The following PLCG2 variants were observed in gnomAD, a reference collection of about 807,000 sequenced individuals.
PLCG2 encodes the protein phospholipase C gamma 2.
PLCG2 carries 69 observed loss-of-function variants against 175.6 expected under a neutral mutation model. The observed-to-expected ratio is 0.39, with a 90% CI of 0.32 to 0.48. The LOEUF (loss-of-function observed/expected upper bound fraction) is 0.48. PLCG2 is among the 20% of genes least tolerant of loss of function. The probability of loss-of-function intolerance (pLI) is 0.91; values close to 1 mark genes in which losing one functional copy is unlikely to be tolerated. For missense variants in PLCG2, 1,798 were observed against 1,650.9 expected (o/e 1.09, Z -1.54); for synonymous variants, 827 against 624.0 (o/e 1.33, Z -4.85).
chr16:81,853,974 A>T (rs1906553372), intron 2 of PLCG2, among the ~76,000 whole-genome samples: 1 of 152,022 alleles, frequency 6.6e-6, no homozygotes, highest in Non-Finnish European at 1.5e-5. Context: ...CCTTTAATTG[A>T]GCCACAGAGC....
In PLCG2 at chr16:81,846,194, G is replaced by A. The variant is rs111362391; in HGVS notation, c.194-8250G>A. ...TCTGCATCACCTAGGAGGTTGTAGT[G>A]GCTGTAAGCCAAGCCAATGACTGAC... On this transcript the variant is annotated intron_variant, in intron 2 of 32. Transcript: ENST00000564138. 4.3e-4 allele frequency among the ~76,000 whole-genome samples: 65 copies of A among 151,858 alleles called. 2 individuals carry two copies. Among genetic ancestry groups the A allele is most frequent in the African/African-American group, 1.5e-3 (63 of 41,440 alleles).
chr16:81,775,921 A>C (rs904521104), upstream of PLCG2, among the ~76,000 whole-genome samples: 1 of 151,678 alleles, frequency 6.6e-6, no homozygotes, highest in African/African-American at 2.4e-5. Flanking sequence ...GATGGGTGGC[A>C]GGTCAGCATG....
Position 81,750,663 on chromosome 16 carries a change from A to ATTTTCTTTTTTT in PLCG2, c.-144-5203_-144-5202insCTTTTTTTTTTT, listed in dbSNP as rs1909791085. On this transcript the variant is annotated intron_variant, in intron 1 of 5. Coordinates refer to the PLCG2 transcript ENST00000565054. ...TTAAAAAGCAGAATGGGGACTGGAG[A>ATTTTCTTTTTTT]TTTTTTTTTTTTTTTTTTTTTTGAG... Among the ~76,000 whole-genome samples the ATTTTCTTTTTTT allele has an allele frequency of 2.9e-5, 2 of 68,446 alleles. 1 individual carries two copies. Among genetic ancestry groups the ATTTTCTTTTTTT allele is most frequent in the Non-Finnish European group, 5.3e-5 (2 of 37,820 alleles). The allele number at this position is 68,446 out of a possible 152,430, so 44.9% of individuals were successfully genotyped here.
chr16:81,911,477 G>T (rs569838885), intron 18 of PLCG2, among the ~76,000 whole-genome samples: 13 of 152,044 alleles, frequency 8.6e-5, no homozygotes, highest in Non-Finnish European at 1.6e-4. Context: ...TTGCTCTGTT[G>T]CCCAGGCTGG....
chr16:81,839,693 G>C (rs1905718659), intron 2 of PLCG2, among the ~76,000 whole-genome samples: 1 of 152,094 alleles, frequency 6.6e-6, no homozygotes, highest in South Asian at 2.1e-4. Context: ...CAAAGGGTGG[G>C]CACCATTTAA....
chr16:81,760,097 A>G (rs1019671167), intron 2 of PLCG2, among the ~76,000 whole-genome samples: 2 of 152,172 alleles, frequency 1.3e-5, no homozygotes, highest in African/African-American at 4.8e-5. Context: ...CTGCTCATCT[A>G]TCAGTTGTAG....
rs1224360399 is a variant in PLCG2 at position 81,946,271 on chromosome 16, G to A, written c.3570+8G>A. 3 of 1,603,018 alleles carry A rather than the reference G, an allele frequency of 1.9e-6. No individual in the cohort carries two copies. The highest frequency in any genetic ancestry group is 2.6e-6 in the Non-Finnish European group (3 of 1,169,982). On this transcript the variant is annotated splice_region_variant and intron_variant, in intron 31 of 32. Transcript: ENST00000564138. ...GAGATGCGGCCAGTCCTGGTGAGTG[G>A]AGAAACACCAGTTAAGGGTTCCCTG... is the stretch of plus-strand genomic sequence containing the variant.
At chr16:81,883,595 A>T (rs1410623649) in intron 9 of PLCG2, 1 of 535,054 alleles carries the variant, frequency 1.9e-6, no homozygotes, top group East Asian at 3.3e-5. Context: ...CACATTGAGG[A>T]TGAGAAGACT....
intron 2 of PLCG2, among the ~76,000 whole-genome samples, chr16:81,794,442 A>G (rs1597322458): frequency 6.6e-6 from 1 of 152,198 alleles, no homozygotes. Flanking sequence ...GAAGCGTCTC[A>G]TCAGAAATAA....
At chr16:81,769,611 G>A (rs992632561) in intron 2 of PLCG2, among the ~76,000 whole-genome samples, 1 of 151,800 alleles carries the variant, frequency 6.6e-6, no homozygotes, top group Non-Finnish European at 1.5e-5. Flanking sequence ...TCAGGAGATC[G>A]AGACCATCCC....
At chr16:81,836,305 C>T (rs1273467568) in intron 2 of PLCG2, among the ~76,000 whole-genome samples, 1 of 152,202 alleles carries the variant, frequency 6.6e-6, no homozygotes, top group Non-Finnish European at 1.5e-5. Context: ...GATCGTGGAT[C>T]TCCTGGTGCC....
intron 31 of PLCG2, among the ~76,000 whole-genome samples, chr16:81,952,156 A>T (rs537793524): frequency 6.6e-6 from 1 of 152,288 alleles, no homozygotes; most frequent in South Asian, 2.1e-4. Flanking sequence ...AAATCTTATT[A>T]AAAAACAAAA....
At chr16:81,790,752 C>G (rs1375147696) in intron 2 of PLCG2, among the ~76,000 whole-genome samples, 2 of 152,086 alleles carry the variant, frequency 1.3e-5, no homozygotes, top group African/African-American at 4.8e-5. Flanking sequence ...TGGTTCTCAA[C>G]CAGGGTGATT....
At chr16:81,788,993 A>G (rs1036813045) in intron 2 of PLCG2, among the ~76,000 whole-genome samples, 1 of 152,210 alleles carries the variant, frequency 6.6e-6, no homozygotes. Flanking sequence ...CAACCTGCCC[A>G]TCCCAAACCT....
At chr16:81,945,968 T>G in intron 30 of PLCG2, among the ~76,000 whole-genome samples, 2 of 152,306 alleles carry the variant, frequency 1.3e-5, no homozygotes, top group East Asian at 3.9e-4. Flanking sequence ...CTTGCTTCCC[T>G]GTATGGACCA....
intron 5 of PLCG2, among the ~76,000 whole-genome samples, chr16:81,859,827 C>T (rs1413656418): frequency 3.3e-5 from 5 of 152,050 alleles, no homozygotes; most frequent in South Asian, 2.1e-4. Context: ...TGAGCCACCG[C>T]GCCCGGCCAC....
chr16:81,951,132 G>A (rs1911349307), intron 31 of PLCG2, among the ~76,000 whole-genome samples: 1 of 151,678 alleles, frequency 6.6e-6, no homozygotes, highest in African/African-American at 2.4e-5. Flanking sequence ...ATGCCACCAT[G>A]CCTGGCTAAT....
intron 25 of PLCG2, among the ~76,000 whole-genome samples, chr16:81,932,683 C>G (rs192482917): frequency 3.2e-4 from 48 of 152,362 alleles, no homozygotes; most frequent in African/African-American, 1.1e-3. Context: ...TCACTCAACT[C>G]TTCTGCAGGG....
chr16:81,849,348 T>C (rs1906281040), intron 2 of PLCG2, among the ~76,000 whole-genome samples: 1 of 152,188 alleles, frequency 6.6e-6, no homozygotes, highest in Non-Finnish European at 1.5e-5. Context: ...ATTTCAGAAG[T>C]AGAATTGTTA....
Sources: allele counts gnomAD v4.1 joint callset (sites outside exome capture counted in the v4.1 genomes callset), GRCh38; gene constraint gnomAD v4.1.1; transcripts MANE v1.5; gene names NCBI Gene and HGNC (gene_info 2026-07-23, HGNC 2026-07-21).